The following ZNF652 variants were observed in gnomAD, a reference collection of about 807,000 sequenced individuals.
ZNF652 encodes the protein zinc finger protein 652.
Under a neutral mutation model 45.2 loss-of-function variants are expected in ZNF652, and 16 were observed. The observed-to-expected ratio is 0.35, with a 90% confidence interval of 0.24 to 0.54. The LOEUF (loss-of-function observed/expected upper bound fraction) is 0.54, where lower values mean the gene tolerates loss of function less well. Ranked by LOEUF, ZNF652 falls within the 20% of genes least tolerant of loss-of-function variation. ZNF652 has a pLI of 0.91. For missense variants in ZNF652, 614 were observed against 765.6 expected (o/e 0.80, Z 2.34); for synonymous variants, 250 against 260.6 (o/e 0.96, Z 0.39).
intron 1 of ZNF652, among the ~76,000 whole-genome samples, chr17:49,326,814 G>C (rs2069960833): frequency 6.6e-6 from 1 of 152,122 alleles, no homozygotes; most frequent in Non-Finnish European, 1.5e-5. Flanking sequence ...CAGATCACTT[G>C]TCAATTTCTT....
chr17:49,325,567 G>A (rs2069947765), intron 1 of ZNF652, among the ~76,000 whole-genome samples: 1 of 151,892 alleles, frequency 6.6e-6, no homozygotes, highest in African/African-American at 2.4e-5. Context: ...TCCATGGATG[G>A]TTACAACAAA....
In ZNF652 at chr17:49,311,954, A is replaced by ATGC; in HGVS notation, c.1134_1136dup (p.Gln378dup). ...CGCATCTAAAGGGCTTCTCTCCAGA[A>ATGC]TGCTGCAAGGAGTGCACCTTGAGTG... On this transcript the variant is annotated inframe_insertion, in exon 4 of 6. Coordinates refer to ENST00000430262, the MANE Select transcript of ZNF652 (RefSeq NM_001145365.3). 1 of 1,613,744 alleles carries ATGC rather than the reference A, an allele frequency of 6.2e-7. No homozygotes were observed. The highest frequency in any genetic ancestry group is 8.5e-7 in the Non-Finnish European group (1 of 1,179,732).
In ZNF652 at chr17:49,317,061, C is replaced by T. The variant is rs368025113; in HGVS notation, c.665G>A (p.Arg222His). The part of the protein sequence containing the change: ...GRRKSVEPPK[R>H]KKRATKEPKA... Reference sequence around the variant, plus strand: ...GGGCTCCTTTGTGGCCCGCTTCTTACGCTTAGGTGGCTCTACACTCTTCCT... The same window carrying T: ...GGGCTCCTTTGTGGCCCGCTTCTTATGCTTAGGTGGCTCTACACTCTTCCT... The change falls in exon 2 of 6, where the codon CGT becomes CAT. Residue 222 changes from arginine to histidine, a missense_variant. By Grantham distance (29) the Arg-to-His change is conservative. Around this residue, in one of 5 missense-constraint regions of ZNF652, gnomAD observed 262 missense variants for 306.3 expected, o/e 0.86. Coordinates refer to ENST00000430262, the MANE Select transcript of ZNF652 (RefSeq NM_001145365.3). 3.7e-5 allele frequency: 60 copies of T among 1,614,024 alleles called. No individual in the cohort carries two copies. The highest frequency in any genetic ancestry group is 1.2e-4 in the South Asian group (11 of 91,082).
chr17:49,316,419 A>G (rs929305911), intron 2 of ZNF652, among the ~76,000 whole-genome samples: 3 of 152,218 alleles, frequency 2.0e-5, no homozygotes, highest in Admixed American at 1.3e-4. Context: ...CAGCTGTACT[A>G]GAATCTGGCA....
chr17:49,344,665 C>T (rs1316788805), intron 1 of ZNF652, among the ~76,000 whole-genome samples: 7 of 151,774 alleles, frequency 4.6e-5, no homozygotes, highest in Admixed American at 2.0e-4. Context: ...GGACTACAGG[C>T]GCACGCCACC....
chr17:49,314,134 CTT>C (rs1222090585), intron 2 of ZNF652, among the ~76,000 whole-genome samples: 2 of 151,694 alleles, frequency 1.3e-5, no homozygotes, highest in Non-Finnish European at 2.9e-5. Context: ...CCTCTGAACT[CTT>C]AGTATTACTC....
At position 49,317,444 on chromosome 17, in the gene ZNF652, C is replaced by A; in HGVS notation, c.282G>T (p.Lys94Asn). 1.2e-6 allele frequency: 2 copies of A among 1,614,116 alleles called. No individual in the cohort carries two copies. Among genetic ancestry groups the A allele is most frequent in the East Asian group, 4.5e-5 (2 of 44,868 alleles). The change falls in exon 2 of 6, where the codon AAG becomes AAT. Residue 94 changes from lysine to asparagine, a missense_variant. Lys to Asn is a moderately conservative substitution (Grantham distance 94, BLOSUM62 0). Transcript: ENST00000430262. ...TGTCATCAGAATTCTCCCGGTCTTC[C>A]TTAACAGCATGCACGTCAGACACTG... ...TRAVSDVHAVKEDRENSDDTE... is the reference protein window; with the variant it reads ...TRAVSDVHAVNEDRENSDDTE...
At chr17:49,350,921 G>C (rs1295010789) in intron 1 of ZNF652, among the ~76,000 whole-genome samples, 2 of 144,804 alleles carry the variant, frequency 1.4e-5, no homozygotes, top group Non-Finnish European at 3.0e-5. Context: ...AGTGAGCCAA[G>C]ATCACACCAC....
chr17:49,354,647 A>G (rs1341442780), intron 1 of ZNF652, among the ~76,000 whole-genome samples: 1 of 151,858 alleles, frequency 6.6e-6, no homozygotes, highest in Non-Finnish European at 1.5e-5. Context: ...AACAAAAAAA[A>G]CCTGTCCACT....
chr17:49,298,150 T>G lies in ZNF652; in HGVS notation c.*263A>C. On this transcript the variant is annotated 3_prime_UTR_variant, in exon 6 of 6. Coordinates refer to ENST00000430262, the MANE Select transcript of ZNF652 (RefSeq NM_001145365.3). The stretch of plus-strand genomic sequence containing the variant: ...TTATAAAATTCCACAAGTCTGAGTA[T>G]TTGAAACTTATAAAAGTCATCAGAA... 2.0e-6 allele frequency: 1 copy of G among 492,106 alleles called. No individual in the cohort carries two copies. Among genetic ancestry groups the G allele is most frequent in the South Asian group, 2.6e-5 (1 of 37,862 alleles). 30.5% of individuals were successfully genotyped at this position (492,106 alleles called of 1,614,324 possible).
In ZNF652 at chr17:49,295,489, A is replaced by AT. The variant is rs2069460905; in HGVS notation, c.*2923dup. ...TAATACTGGTTTTCCTGTATAGCAG[A>AT]TATTTTCTTATGGCTATATTTACTT... is the stretch of plus-strand genomic sequence containing the variant. On this transcript the variant is annotated 3_prime_UTR_variant, in exon 6 of 6. Transcript: ENST00000430262. The AT allele has an allele frequency of 6.6e-6, 1 of 152,260 alleles. No individual in the cohort carries two copies. The highest frequency in any genetic ancestry group is 6.6e-5 in the Admixed American group (1 of 15,164). 9.4% of individuals were successfully genotyped at this position (152,260 alleles called of 1,614,324 possible).
intron 1 of ZNF652, among the ~76,000 whole-genome samples, chr17:49,333,288 A>T (rs911615044): frequency 4.6e-4 from 69 of 149,688 alleles, no homozygotes; most frequent in Middle Eastern, 3.4e-3. Flanking sequence ...CGATCTCCCA[A>T]CCTCGTGATC....
intron 5 of ZNF652, among the ~76,000 whole-genome samples, chr17:49,300,686 A>G (rs1418447996): frequency 6.6e-6 from 1 of 152,096 alleles, no homozygotes; most frequent in Non-Finnish European, 1.5e-5. Context: ...GTCTCTTCAC[A>G]TTAACTCCTG....
chr17:49,360,093 TC>T (rs2070376996), intron 1 of ZNF652, among the ~76,000 whole-genome samples: 1 of 152,250 alleles, frequency 6.6e-6, no homozygotes, highest in Non-Finnish European at 1.5e-5. Flanking sequence ...TTTAACTTTT[TC>T]TGAAAGACTC....
chr17:49,319,643 A>AC (rs2069861867), intron 1 of ZNF652, among the ~76,000 whole-genome samples: 1 of 147,614 alleles, frequency 6.8e-6, no homozygotes, highest in African/African-American at 2.5e-5. Context: ...CTCAAAAAAA[A>AC]AAAAAAAAAA....
At position 49,298,931 on chromosome 17, in the gene ZNF652, T is replaced by C; in HGVS notation, c.1310-7A>G. 1 of 1,600,406 alleles carries C rather than the reference T, an allele frequency of 6.2e-7. No homozygotes were observed. Among genetic ancestry groups the C allele is most frequent in the Non-Finnish European group, 8.5e-7 (1 of 1,173,448 alleles). On this transcript the variant is annotated splice_region_variant and splice_polypyrimidine_tract_variant and intron_variant, in intron 5 of 5. Coordinates refer to ENST00000430262, the MANE Select transcript of ZNF652 (RefSeq NM_001145365.3). ...CAGATAAAGGGTTTCTCTCCTGAGA[T>C]GAACACAGACATAAAAATGATTAAC...
At chr17:49,345,019 T>C (rs1003835311) in intron 1 of ZNF652, among the ~76,000 whole-genome samples, 15 of 152,146 alleles carry the variant, frequency 9.9e-5, no homozygotes, top group African/African-American at 3.1e-4. Context: ...TAGTCTCTTT[T>C]ATAAATGCAG....
rs1287634465 is a variant in ZNF652, at chr17:49,293,683, A to AC, written c.*4729_*4730insG. ...AAAAAAAAAAAAAAAAAAAAAAAAA[A>AC]AACTCTTAAGTAATTTCCTATCTTG... is the stretch of plus-strand genomic sequence containing the variant. On this transcript the variant is annotated 3_prime_UTR_variant, in exon 6 of 6. Transcript: ENST00000430262. 5.0e-5 allele frequency among the ~76,000 whole-genome samples: 7 copies of AC among 139,494 alleles called. No homozygotes were observed. The highest frequency in any genetic ancestry group is 7.8e-5 in the Non-Finnish European group (5 of 64,264). The allele number at this position is 139,494 out of a possible 152,430, so 91.5% of individuals were successfully genotyped here.
At chr17:49,328,782 C>T (rs2069993306) in intron 1 of ZNF652, among the ~76,000 whole-genome samples, 1 of 152,190 alleles carries the variant, frequency 6.6e-6, no homozygotes, top group African/African-American at 2.4e-5. Flanking sequence ...TACAAATTAC[C>T]CAGCCTCAGG....
Sources: allele counts gnomAD v4.1 joint callset (sites outside exome capture counted in the v4.1 genomes callset), GRCh38; gene constraint gnomAD v4.1.1; regional missense constraint gnomAD v4.1.1; transcripts MANE v1.5; gene names NCBI Gene and HGNC (gene_info 2026-07-23, HGNC 2026-07-21).